The following MANBAL variants were observed in gnomAD, a reference collection of about 807,000 sequenced individuals.
MANBAL encodes the protein mannosidase beta like, also known as protein MANBAL.
MANBAL carries 1 observed loss-of-function variant against 6.4 expected under a neutral mutation model. That is an observed-to-expected ratio of 0.16 (90% CI 0.06 to 0.74). The LOEUF is 0.74. MANBAL is among the 30% of genes least tolerant of loss of function. MANBAL has a pLI of 0.78. For missense variants in MANBAL, 100 were observed against 107.8 expected, an observed-to-expected ratio of 0.93 and a Z score of 0.32; for synonymous variants, 47 against 45.8, an observed-to-expected ratio of 1.03 and a Z score of -0.10.
Position 37,316,312 on chromosome 20 carries a change from C to T in MANBAL, c.155C>T (p.Ala52Val). The T allele has an allele frequency of 6.2e-7, 1 of 1,613,350 alleles. No homozygotes were observed. Among genetic ancestry groups the T allele is most frequent in the Non-Finnish European group, 8.5e-7 (1 of 1,179,656 alleles). The change falls in exon 3 of 3, where the codon GCT becomes GTT. Residue 52 changes from alanine (A) to valine (V), a missense_variant. Transcript: ENST00000373606. ...CTCCTTTTTATCACCTCACAGGAGGCTGAACCGTCTGAGCCCAGAAGTGCT... is the reference window on the plus strand; with the variant it reads ...CTCCTTTTTATCACCTCACAGGAGGTTGAACCGTCTGAGCCCAGAAGTGCT... ...VPIPKSHEAE[A>V]EPSEPRSAEV... is the part of the protein sequence containing the mutation.
At chr20:37,294,959 G>A (rs1361566273) in intron 1 of MANBAL, among the ~76,000 whole-genome samples, 1 of 152,182 alleles carries the variant, frequency 6.6e-6, no homozygotes, top group Non-Finnish European at 1.5e-5. Flanking sequence ...TATTTGCCAC[G>A]TTCAGTAATA....
At chr20:37,314,638 C>T (rs984268900) in intron 2 of MANBAL, among the ~76,000 whole-genome samples, 1 of 152,182 alleles carries the variant, frequency 6.6e-6, no homozygotes, top group East Asian at 1.9e-4. Flanking sequence ...CTCAGCAGGC[C>T]GAAGGAATCC....
At chr20:37,314,369 G>T (rs1240611592) in intron 2 of MANBAL, among the ~76,000 whole-genome samples, 1 of 152,108 alleles carries the variant, frequency 6.6e-6, no homozygotes, top group African/African-American at 2.4e-5. Flanking sequence ...TCTGGGAGGT[G>T]CCAGAATGGT....
Position 37,294,478 on chromosome 20 carries a change from A to G in MANBAL, c.-57+4792A>G, listed in dbSNP as rs376821098. On this transcript the variant is annotated intron_variant, in intron 1 of 2. Transcript: ENST00000373606. ...GTGATTTCTTTGCTAAGAACCTTCC[A>G]GTAGTTCCCTTTTCACTCAGAGACT... Among the ~76,000 whole-genome samples the G allele has an allele frequency of 2.0e-3, 302 of 152,342 alleles. 2 individuals carry two copies. The highest frequency in any genetic ancestry group is 7.0e-3 in the African/African-American group (289 of 41,578).
At chr20:37,310,442 C>T (rs1452217160) in intron 2 of MANBAL, among the ~76,000 whole-genome samples, 1 of 152,164 alleles carries the variant, frequency 6.6e-6, no homozygotes, top group Non-Finnish European at 1.5e-5. Context: ...CTCCATTGTT[C>T]TTAGAGGGTC....
At chr20:37,310,540 C>T (rs964256404) in intron 2 of MANBAL, among the ~76,000 whole-genome samples, 5 of 152,136 alleles carry the variant, frequency 3.3e-5, no homozygotes, top group Non-Finnish European at 5.9e-5. Flanking sequence ...GACATTTTGT[C>T]CTGATTTACA....
At chr20:37,316,159 C>T in intron 2 of MANBAL, 149 bp from the exon 3 acceptor site, 1 of 704,012 alleles carries the variant, frequency 1.4e-6, no homozygotes, top group Non-Finnish European at 2.3e-6. Flanking sequence ...GGGGCAGTCC[C>T]ACATCCGTGT....
chr20:37,308,811 C>CT (rs1003184057), intron 2 of MANBAL, among the ~76,000 whole-genome samples: 7 of 152,200 alleles, frequency 4.6e-5, no homozygotes, highest in Admixed American at 2.0e-4. Flanking sequence ...TGGGTGTAGA[C>CT]TTTGAGTTCA....
In MANBAL at chr20:37,306,428, G is replaced by C. The variant is rs186815254; in HGVS notation, c.150+5015G>C. Among the ~76,000 whole-genome samples, 3 of 152,282 alleles carry C rather than the reference G, an allele frequency of 2.0e-5. No homozygotes were observed. The East Asian group carries it at 5.8e-4, about 29-fold the overall frequency. On this transcript the variant is annotated intron_variant, in intron 2 of 2. Transcript: ENST00000373606. ...AGGAAAAGAGGGAACACATACAAAT[G>C]CTTCCCACCCCACCCCCTTCCTTTT... is the stretch of plus-strand genomic sequence containing the variant.
At position 37,308,794 on chromosome 20, in the gene MANBAL, A is replaced by G. The variant is rs115076272; in HGVS notation, c.150+7381A>G. On this transcript the variant is annotated intron_variant, in intron 2 of 2. Coordinates refer to ENST00000373606, the MANE Select transcript of MANBAL (RefSeq NM_001003897.2). ...CCAGATAAGGTGCACGAAGGTAACT[A>G]AGCAAGTGGGTGTAGACTTTGAGTT... 2.2e-3 allele frequency among the ~76,000 whole-genome samples: 340 copies of G among 152,290 alleles called. 2 individuals are homozygous for G. The highest frequency in any genetic ancestry group is 6.8e-3 in the Middle Eastern group (2 of 294).
Position 37,316,732 on chromosome 20 carries a change from CCTT to C in MANBAL, c.*318_*320del, listed in dbSNP as rs1469293749. On this transcript the variant is annotated 3_prime_UTR_variant, in exon 3 of 3. Coordinates refer to ENST00000373606, the MANE Select transcript of MANBAL (RefSeq NM_001003897.2). ...TTTTCTTGCTTAGTCATGTGTCCCT[CCTT>C]GAGTTGCCCCCTCCTTGTGGGTTTA... 2.6e-5 allele frequency: 6 copies of C among 231,696 alleles called. No individual in the cohort carries two copies. The highest frequency in any genetic ancestry group is 9.3e-5 in the African/African-American group (4 of 43,162). The allele number at this position is 231,696 out of a possible 1,614,324, so 14.4% of individuals were successfully genotyped here.
intron 2 of MANBAL, among the ~76,000 whole-genome samples, chr20:37,309,891 G>T (rs910288357): frequency 6.6e-6 from 1 of 152,230 alleles, no homozygotes; most frequent in African/African-American, 2.4e-5. Context: ...TCTGCTCTGT[G>T]TGGTTTTAAA....
At chr20:37,298,322 A>G (rs2069046888) in intron 1 of MANBAL, among the ~76,000 whole-genome samples, 1 of 152,240 alleles carries the variant, frequency 6.6e-6, no homozygotes, top group African/African-American at 2.4e-5. Flanking sequence ...TATAACCGTC[A>G]TCACTGTCTA....
chr20:37,298,898 G>A (rs1259535006), intron 1 of MANBAL: 1 of 151,914 alleles, frequency 6.6e-6, no homozygotes, highest in Non-Finnish European at 1.5e-5. Flanking sequence ...CACCATGTCC[G>A]GCTAATTTTT....
chr20:37,309,981 A>T (rs1227404523), intron 2 of MANBAL, among the ~76,000 whole-genome samples: 4 of 152,038 alleles, frequency 2.6e-5, no homozygotes, highest in Non-Finnish European at 5.9e-5. Flanking sequence ...TTGCCGTGTG[A>T]TGAGGGTATA....
intron 1 of MANBAL, among the ~76,000 whole-genome samples, chr20:37,294,336 G>A (rs1346646847): frequency 1.3e-5 from 2 of 152,232 alleles, no homozygotes; most frequent in Non-Finnish European, 2.9e-5. Flanking sequence ...TGGTGCAAAT[G>A]TGTCTTTTGA....
chr20:37,306,046 G>A (rs1032666151), intron 2 of MANBAL, among the ~76,000 whole-genome samples: 3 of 152,114 alleles, frequency 2.0e-5, no homozygotes, highest in African/African-American at 7.2e-5. Flanking sequence ...GGGAGTGGGG[G>A]CAGCTTGTAA....
chr20:37,311,825 C>T (rs574105994), intron 2 of MANBAL, among the ~76,000 whole-genome samples: 90 of 152,170 alleles, frequency 5.9e-4, no homozygotes, highest in African/African-American at 2.1e-3. Flanking sequence ...CTGAAAGGAA[C>T]GTAAAGTAAA....
At chr20:37,291,412 A>C (rs2068866638) in intron 1 of MANBAL, among the ~76,000 whole-genome samples, 1 of 152,078 alleles carries the variant, frequency 6.6e-6, no homozygotes, top group African/African-American at 2.4e-5. Context: ...ACCCTATTAC[A>C]TTTAGTCATC....
Sources: allele counts gnomAD v4.1 joint callset (sites outside exome capture counted in the v4.1 genomes callset), GRCh38; gene constraint gnomAD v4.1.1; transcripts MANE v1.5; gene names NCBI Gene and HGNC (gene_info 2026-07-23, HGNC 2026-07-21).